NMNAT2: variants seen among roughly 807,000 people sequenced by gnomAD.
NMNAT2 encodes nicotinamide/nicotinic acid mononucleotide adenylyltransferase 2.
In NMNAT2, 11 loss-of-function variants were observed where a neutral mutation model predicts 41.6. That is an observed-to-expected ratio of 0.26 (90% CI 0.17 to 0.44). The LOEUF is 0.44. Ranked by LOEUF, NMNAT2 falls within the 20% of genes least tolerant of loss-of-function variation. The pLI, the probability that NMNAT2 is intolerant of heterozygous loss-of-function variation, is 1.00. For missense variants in NMNAT2, 288 were observed against 407.7 expected, an observed-to-expected ratio of 0.71 and a Z score of 2.53; for synonymous variants, 148 against 151.2, an observed-to-expected ratio of 0.98 and a Z score of 0.16.
At chr1:183,262,545 CTA>C (rs1393408398) in intron 8 of NMNAT2, among the ~76,000 whole-genome samples, 38 of 152,240 alleles carry the variant, frequency 2.5e-4, no homozygotes, top group Admixed American at 1.7e-3. Flanking sequence ...ATATTTTACA[CTA>C]TGTGTACAGT....
intron 1 of NMNAT2, among the ~76,000 whole-genome samples, chr1:183,295,866 G>C (rs997967529): frequency 6.6e-6 from 1 of 151,622 alleles, no homozygotes; most frequent in East Asian, 1.9e-4. Flanking sequence ...CTTTTTCTTT[G>C]AGAGGAAGTC....
chr1:183,323,020 CTCCCAGGTTCAAA>C (rs1662384661), intron 1 of NMNAT2, among the ~76,000 whole-genome samples: 1 of 152,196 alleles, frequency 6.6e-6, no homozygotes, highest in African/African-American at 2.4e-5. Flanking sequence ...CAACCTCCGC[CTCCCAGGTTCAAA>C]TGATTCTCCT....
chr1:183,342,702 T>C (rs1026534539), intron 1 of NMNAT2, among the ~76,000 whole-genome samples: 5 of 152,296 alleles, frequency 3.3e-5, no homozygotes, highest in African/African-American at 1.2e-4. Context: ...GCCTGTTGGA[T>C]ACTCTAAAGT....
intron 1 of NMNAT2, among the ~76,000 whole-genome samples, chr1:183,407,681 C>T (rs981135852): frequency 6.6e-6 from 1 of 152,086 alleles, no homozygotes; most frequent in African/African-American, 2.4e-5. Context: ...GTGCTAAGTA[C>T]TATAAGAGAG....
chr1:183,342,452 T>C (rs1487308580), intron 1 of NMNAT2, among the ~76,000 whole-genome samples: 4 of 152,238 alleles, frequency 2.6e-5, no homozygotes, highest in Admixed American at 1.3e-4. Context: ...CCTTCTTTTA[T>C]GTGTTAACTC....
At chr1:183,392,870 A>C (rs1302733738) in intron 1 of NMNAT2, among the ~76,000 whole-genome samples, 1 of 151,942 alleles carries the variant, frequency 6.6e-6, no homozygotes, top group East Asian at 1.9e-4. Flanking sequence ...CCCCATACTC[A>C]CTAGTCCTCT....
chr1:183,332,367 A>G (rs559224466), intron 1 of NMNAT2, among the ~76,000 whole-genome samples: 4 of 152,298 alleles, frequency 2.6e-5, no homozygotes, highest in African/African-American at 9.6e-5. Flanking sequence ...CTTTTGGGGA[A>G]ATGATAACCC....
intron 8 of NMNAT2, among the ~76,000 whole-genome samples, chr1:183,265,974 G>T (rs901301814): frequency 6.6e-6 from 1 of 152,216 alleles, no homozygotes; most frequent in African/African-American, 2.4e-5. Flanking sequence ...GAGATTTGAA[G>T]ATGCTCCACT....
At chr1:183,293,400 C>A (rs1661594587) in intron 2 of NMNAT2, among the ~76,000 whole-genome samples, 1 of 152,272 alleles carries the variant, frequency 6.6e-6, no homozygotes, top group African/African-American at 2.4e-5. Flanking sequence ...GCCAATCTGG[C>A]ATCCACCATA....
intron 8 of NMNAT2, among the ~76,000 whole-genome samples, chr1:183,272,922 C>A (rs1661022433): frequency 6.6e-6 from 1 of 152,238 alleles, no homozygotes; most frequent in Non-Finnish European, 1.5e-5. Context: ...CTCCCTCCTG[C>A]CCTTCTGTCC....
At chr1:183,290,235 G>T (rs750175208) in intron 3 of NMNAT2, 29 bp from the exon 4 acceptor site, 1 of 1,527,536 alleles carries the variant, frequency 6.5e-7, no homozygotes, top group East Asian at 2.4e-5. Flanking sequence ...AGTTTCCCTT[G>T]GTTTCTGTTC....
intron 7 of NMNAT2, among the ~76,000 whole-genome samples, chr1:183,281,987 C>T (rs1661283039): frequency 6.6e-6 from 1 of 152,218 alleles, no homozygotes; most frequent in Non-Finnish European, 1.5e-5. Context: ...TCTCTGTCCA[C>T]ACTCCCCTCC....
chr1:183,316,090 T>G (rs1253675674), intron 1 of NMNAT2, among the ~76,000 whole-genome samples: 8 of 152,202 alleles, frequency 5.3e-5, no homozygotes, highest in Non-Finnish European at 1.0e-4. Flanking sequence ...TGTCCATCCC[T>G]GACATCCTCT....
intron 7 of NMNAT2, among the ~76,000 whole-genome samples, chr1:183,281,162 A>G (rs900911815): frequency 6.6e-6 from 1 of 152,152 alleles, no homozygotes; most frequent in Non-Finnish European, 1.5e-5. Context: ...AAAAGATTGG[A>G]CAGCCCTGAA....
At chr1:183,278,476 A>G in intron 8 of NMNAT2, 77 bp downstream of exon 8, 1 of 966,104 alleles carries the variant, frequency 1.0e-6, no homozygotes, top group East Asian at 2.5e-5. Context: ...AAGTGAAGAC[A>G]GGAGGCCAAA....
intron 1 of NMNAT2, among the ~76,000 whole-genome samples, chr1:183,406,494 T>A (rs189879645): frequency 6.6e-6 from 1 of 152,306 alleles, no homozygotes; most frequent in East Asian, 1.9e-4. Context: ...CCAAATGCTA[T>A]TTGGCTGCTT....
chr1:183,342,692 G>A (rs1026394272), intron 1 of NMNAT2, among the ~76,000 whole-genome samples: 1 of 152,026 alleles, frequency 6.6e-6, no homozygotes, highest in Non-Finnish European at 1.5e-5. Context: ...TCTTGACATA[G>A]CCTGTTGGAT....
At chr1:183,309,308 G>C (rs1480687212) in intron 1 of NMNAT2, among the ~76,000 whole-genome samples, 1 of 152,210 alleles carries the variant, frequency 6.6e-6, no homozygotes, top group Non-Finnish European at 1.5e-5. Context: ...CCTTTGGAGG[G>C]TCTTAAGCAG....
intron 1 of NMNAT2, among the ~76,000 whole-genome samples, chr1:183,300,772 A>G (rs1161027940): frequency 6.6e-6 from 1 of 152,258 alleles, no homozygotes; most frequent in Non-Finnish European, 1.5e-5. Flanking sequence ...GTGGCAAGCA[A>G]GCTGGAGGAG....
Sources: gnomAD v4.1 joint callset for allele counts (sites outside exome capture counted in the v4.1 genomes callset) on GRCh38, gnomAD v4.1.1 for gene constraint, MANE v1.5 for transcripts, NCBI Gene and HGNC (gene_info 2026-07-23, HGNC 2026-07-21) for gene names.